Variants in TNFAIP8L1 observed in about 807,000 individuals in gnomAD.
TNFAIP8L1 encodes tumor necrosis factor alpha-induced protein 8-like protein 1.
For synonymous variants in TNFAIP8L1, 127 were observed against 125.6 expected (o/e 1.01, Z -0.08); for missense variants, 225 against 266.1 (o/e 0.85, Z 1.08).
chr19:4,647,928 C>T (rs1300153338), intron 1 of TNFAIP8L1, among the ~76,000 whole-genome samples: 3 of 152,014 alleles, frequency 2.0e-5, no homozygotes, highest in Admixed American at 6.6e-5. Flanking sequence ...TTGCCTGGCC[C>T]AGATGATTTT....
chr19:4,643,901 C>G (rs887203090), intron 1 of TNFAIP8L1, among the ~76,000 whole-genome samples: 2 of 151,608 alleles, frequency 1.3e-5, no homozygotes, highest in Admixed American at 1.3e-4. Context: ...CGCAACAGAG[C>G]GAGACTCCAT....
rs1191236604 is a variant in TNFAIP8L1, at chr19:4,654,761, C to G, written c.*2331C>G. On this transcript the variant is annotated 3_prime_UTR_variant, in exon 2 of 2. Coordinates refer to ENST00000327473, the MANE Select transcript of TNFAIP8L1 (RefSeq NM_152362.3). ...GATGCGGGCGATTCTCAGCTCAGGG[C>G]GTGGAGGCGTGGTGTGGGGGAGTCT... 2 of 152,274 alleles carry G rather than the reference C, an allele frequency of 1.3e-5. No individual in the cohort carries two copies. The highest frequency in any genetic ancestry group is 1.9e-4 in the East Asian group (1 of 5,172). 9.4% of individuals were successfully genotyped at this position (152,274 alleles called of 1,614,324 possible).
chr19:4,652,950 G>A lies in TNFAIP8L1; in HGVS notation c.*520G>A, dbSNP rs1379249708. 5.9e-6 allele frequency: 1 copy of A among 168,172 alleles called. No individual in the cohort carries two copies. Among genetic ancestry groups the A allele is most frequent in the African/African-American group, 2.4e-5 (1 of 41,502 alleles). The allele number at this position is 168,172 out of a possible 1,614,324, so 10.4% of individuals were successfully genotyped here. On this transcript the variant is annotated 3_prime_UTR_variant, in exon 2 of 2. Coordinates refer to ENST00000327473, the MANE Select transcript of TNFAIP8L1 (RefSeq NM_152362.3). The stretch of plus-strand genomic sequence containing the variant: ...AATAGGATCATTACAGATGGAATTA[G>A]TTCAGATGATCTCATCTTGGAGTAG...
intron 1 of TNFAIP8L1, among the ~76,000 whole-genome samples, chr19:4,643,557 TGAG>T (rs1376848579): frequency 1.3e-5 from 2 of 152,228 alleles, no homozygotes; most frequent in Admixed American, 1.3e-4. Flanking sequence ...GGGGTGGTCC[TGAG>T]GGTGCTGGGG....
intron 1 of TNFAIP8L1, among the ~76,000 whole-genome samples, chr19:4,643,944 T>A (rs2088285753): frequency 6.6e-6 from 1 of 151,020 alleles, no homozygotes; most frequent in African/African-American, 2.4e-5. Context: ...AAATTGGCCG[T>A]TCACGGTGGC....
At position 4,651,954 on chromosome 19, in the gene TNFAIP8L1, G is replaced by A. The variant is rs1252276164; in HGVS notation, c.85G>A (p.Val29Met). The change falls in exon 2 of 2, where the codon GTG (valine) becomes ATG (methionine). Residue 29 changes from valine (V) to methionine (M), a missense_variant. Physicochemically the swap from Val to Met is conservative, Grantham distance 21 (BLOSUM62 1). Coordinates refer to ENST00000327473, the MANE Select transcript of TNFAIP8L1 (RefSeq NM_152362.3). ...GATGGCGTCCAAGGCAGTGGTGGCC[G>A]TGCTGGTGGATGACACCAGCAGTGA... ...SKMASKAVVA[V>M]LVDDTSSEVL... 1.9e-6 allele frequency: 3 copies of A among 1,613,710 alleles called. No individual in the cohort carries two copies. Among genetic ancestry groups the A allele is most frequent in the East Asian group, 2.2e-5 (1 of 44,880 alleles).
chr19:4,644,198 G>C (rs963729838), intron 1 of TNFAIP8L1, among the ~76,000 whole-genome samples: 10 of 151,884 alleles, frequency 6.6e-5, no homozygotes, highest in African/African-American at 2.4e-4. Flanking sequence ...TCCAGCCTGG[G>C]CAACAAGAGT....
In TNFAIP8L1 at chr19:4,641,265, C is replaced by G. The variant is rs1407666498; in HGVS notation, c.-4+1636C>G. The G allele has an allele frequency of 6.6e-6, 1 of 152,174 alleles. No individual in the cohort carries two copies. Among genetic ancestry groups the G allele is most frequent in the Non-Finnish European group, 1.5e-5 (1 of 68,060 alleles). The allele number at this position is 152,174 out of a possible 1,614,324, so 9.4% of individuals were successfully genotyped here. A position where few individuals can be genotyped will look rare whatever the true frequency, so the allele number is the denominator to read the frequency against. ...GGTGGGTTCCGGAGGCCTCAGTGTC[C>G]CTGTCTGTCCAATGGGGCCACGAAA... On this transcript the variant is annotated intron_variant, in intron 1 of 1. Transcript: ENST00000327473. The surrounding 1 kb of genome is among the most constrained non-coding windows in gnomAD (Gnocchi z 4.6).
At chr19:4,651,312 A>G (rs1429623330) in intron 1 of TNFAIP8L1, among the ~76,000 whole-genome samples, 3 of 152,038 alleles carry the variant, frequency 2.0e-5, no homozygotes, top group Non-Finnish European at 2.9e-5. Context: ...TTTGTTTATA[A>G]TAATAATCAT....
rs944338154 is a variant in TNFAIP8L1 at position 4,652,169 on chromosome 19, G to C, written c.300G>C (p.Thr100=). ...ACCGGGCGCGCTGCCTGGCCATGAC[G>C]GCCGTCAGCTTCCACCAGGTGGACT... is the stretch of plus-strand genomic sequence containing the variant. ...FRHRARCLAM[T]AVSFHQVDFT... The change falls in exon 2 of 2, where the codon ACG becomes ACC. Residue 100 remains threonine, a synonymous_variant. Coordinates refer to ENST00000327473, the MANE Select transcript of TNFAIP8L1 (RefSeq NM_152362.3). The C allele has an allele frequency of 4.1e-5, 63 of 1,551,536 alleles. No individual in the cohort carries two copies. The highest frequency in any genetic ancestry group is 5.2e-5 in the Non-Finnish European group (60 of 1,149,732).
rs1182554886 is a variant in TNFAIP8L1 at position 4,645,589 on chromosome 19, A to G, written c.-4+5960A>G. 1.3e-5 allele frequency among the ~76,000 whole-genome samples: 2 copies of G among 151,830 alleles called. No individual in the cohort carries two copies. The highest frequency in any genetic ancestry group is 2.9e-5 in the Non-Finnish European group (2 of 67,980). On this transcript the variant is annotated intron_variant, in intron 1 of 1. Coordinates refer to ENST00000327473, the MANE Select transcript of TNFAIP8L1 (RefSeq NM_152362.3). This position sits in a 1 kb window ranked among gnomAD's most constrained non-coding sequence, Gnocchi z 4.1. ...AGAGCAAGACTCCATCTCAAAATAC[A>G]TACAAACATACATACATACATAAAC...
At chr19:4,649,696 G>A (rs1028127317) in intron 1 of TNFAIP8L1, among the ~76,000 whole-genome samples, 1 of 152,218 alleles carries the variant, frequency 6.6e-6, no homozygotes, top group Non-Finnish European at 1.5e-5. Context: ...ACATGGTGGC[G>A]ATGACAAAGT....
rs978634210 is a variant in TNFAIP8L1, at chr19:4,654,317, G to T, written c.*1887G>T. 3.3e-5 allele frequency: 5 copies of T among 152,182 alleles called. No homozygotes were observed. Among genetic ancestry groups the T allele is most frequent in the African/African-American group, 1.2e-4 (5 of 41,444 alleles). The allele number at this position is 152,182 out of a possible 1,614,324, so 9.4% of individuals were successfully genotyped here. On this transcript the variant is annotated 3_prime_UTR_variant, in exon 2 of 2. Transcript: ENST00000327473. ...CGTGCCCACCTCCCAGGGGTGAGGG[G>T]GGACCCACCTGAGATGTGTGCACAT...
chr19:4,652,487 C>T lies in TNFAIP8L1; in HGVS notation c.*57C>T, dbSNP rs2088379578. The T allele has an allele frequency of 1.1e-5, 16 of 1,437,180 alleles. No homozygotes were observed. The highest frequency in any genetic ancestry group is 4.4e-5 in the African/African-American group (3 of 68,690). 89.0% of individuals were successfully genotyped at this position (1,437,180 alleles called of 1,614,324 possible). Reference sequence around the variant, plus strand: ...CCTTTTGGGGCTCTCCTGCTGGGCGCGGGTGGGGTTTGTGGGTTTTTTTCC... The same window carrying T: ...CCTTTTGGGGCTCTCCTGCTGGGCGTGGGTGGGGTTTGTGGGTTTTTTTCC... On this transcript the variant is annotated 3_prime_UTR_variant, in exon 2 of 2. Transcript: ENST00000327473.
intron 1 of TNFAIP8L1, among the ~76,000 whole-genome samples, chr19:4,648,551 G>A (rs1416565515): frequency 6.6e-6 from 1 of 152,236 alleles, no homozygotes; most frequent in Admixed American, 6.5e-5. Flanking sequence ...GGGCCAGGAA[G>A]GGAGGCCACA....
chr19:4,643,148 A>G (rs914904284), intron 1 of TNFAIP8L1, among the ~76,000 whole-genome samples: 6 of 151,926 alleles, frequency 3.9e-5, no homozygotes, highest in Admixed American at 6.6e-5. Context: ...GCATGGTGGC[A>G]CGTGTCTGTA....
At position 4,645,307 on chromosome 19, in the gene TNFAIP8L1, G is replaced by C. The variant is rs2088299783; in HGVS notation, c.-4+5678G>C. Among the ~76,000 whole-genome samples, 1 of 152,016 alleles carries C rather than the reference G, an allele frequency of 6.6e-6. No homozygotes were observed. Among genetic ancestry groups the C allele is most frequent in the Non-Finnish European group, 1.5e-5 (1 of 68,032 alleles). ...TCCCACCTGTAATCCCAGCAGTTTG[G>C]GAGGCCGAGGCGAGTAGATCACTTG... On this transcript the variant is annotated intron_variant, in intron 1 of 1. Coordinates refer to ENST00000327473, the MANE Select transcript of TNFAIP8L1 (RefSeq NM_152362.3). This position sits in a 1 kb window ranked among gnomAD's most constrained non-coding sequence, Gnocchi z 4.1.
At position 4,641,934 on chromosome 19, in the gene TNFAIP8L1, C is replaced by G. The variant is rs1277893067; in HGVS notation, c.-4+2305C>G. The G allele has an allele frequency of 6.6e-6, 1 of 152,196 alleles. No individual in the cohort carries two copies. The highest frequency in any genetic ancestry group is 1.5e-5 in the Non-Finnish European group (1 of 68,060). The allele number at this position is 152,196 out of a possible 1,614,324, so 9.4% of individuals were successfully genotyped here. On this transcript the variant is annotated intron_variant, in intron 1 of 1. Coordinates refer to ENST00000327473, the MANE Select transcript of TNFAIP8L1 (RefSeq NM_152362.3). This position sits in a 1 kb window ranked among gnomAD's most constrained non-coding sequence, Gnocchi z 4.6. ...CTCCTGACCCTCTGTGACTCAGTTT[C>G]CTTATAACCAAAAACTTGCAGGTCC... is the stretch of plus-strand genomic sequence containing the variant.
intron 1 of TNFAIP8L1, among the ~76,000 whole-genome samples, chr19:4,643,943 G>A (rs996799468): frequency 1.6e-4 from 24 of 151,748 alleles, no homozygotes; most frequent in African/African-American, 5.3e-4. Context: ...AAAATTGGCC[G>A]TTCACGGTGG....
Sources: gnomAD v4.1 joint callset for allele counts (sites outside exome capture counted in the v4.1 genomes callset) on GRCh38, gnomAD v4.1.1 for gene constraint, Gnocchi (gnomAD v3.1) non-coding constraint, MANE v1.5 for transcripts, NCBI Gene and HGNC (gene_info 2026-07-23, HGNC 2026-07-21) for gene names.